Variants in FBRSL1 observed in about 807,000 individuals in gnomAD.
The protein encoded by FBRSL1 is fibrosin-1-like protein.
Under a neutral mutation model 89.6 loss-of-function variants are expected in FBRSL1, and 51 were observed. The observed-to-expected ratio is 0.57, with a 90% CI of 0.45 to 0.72. The LOEUF is 0.72. Ranked by LOEUF, FBRSL1 falls within the 30% of genes least tolerant of loss-of-function variation. FBRSL1 has a pLI of 0.00. For missense variants in FBRSL1, 1,618 were observed against 1,451.8 expected, an observed-to-expected ratio of 1.11 and a Z score of -1.86; for synonymous variants, 779 against 681.1, an observed-to-expected ratio of 1.14 and a Z score of -2.24.
At chr12:132,580,526 G>A (rs1232606077) in intron 15 of FBRSL1, among the ~76,000 whole-genome samples, 1 of 152,206 alleles carries the variant, frequency 6.6e-6, no homozygotes, top group African/African-American at 2.4e-5. Flanking sequence ...CTCTCCCAGT[G>A]CGGGCATTTG....
Position 132,525,281 on chromosome 12 carries a change from G to A in FBRSL1, c.490-453G>A, listed in dbSNP as rs140559853. Among the ~76,000 whole-genome samples the A allele has an allele frequency of 3.0e-4, 46 of 152,338 alleles. 2 individuals carry two copies. In the East Asian group the frequency reaches 8.9e-3, roughly 29 times the overall value. On this transcript the variant is annotated intron_variant, in intron 2 of 18. Transcript: ENST00000680143. Reference sequence around the variant, plus strand: ...GGGTGGCACTGAGGCTCGACCTGGAGGTCATAGCCCTGTACAGCCAGATGG... The same window carrying A: ...GGGTGGCACTGAGGCTCGACCTGGAAGTCATAGCCCTGTACAGCCAGATGG...
At chr12:132,549,244 G>A (rs1414335205) in intron 5 of FBRSL1, among the ~76,000 whole-genome samples, 1 of 152,302 alleles carries the variant, frequency 6.6e-6, no homozygotes, top group South Asian at 2.1e-4. Context: ...CCAGCATCCT[G>A]GGCTGCTTCC....
At chr12:132,530,795 G>A (rs1468849770) in intron 4 of FBRSL1, among the ~76,000 whole-genome samples, 3 of 151,738 alleles carry the variant, frequency 2.0e-5, no homozygotes, top group Non-Finnish European at 4.4e-5. Flanking sequence ...TCCCCTCCAA[G>A]CCGCAGGAGC....
At chr12:132,572,462 G>A in intron 10 of FBRSL1, 65 bp from the exon 11 acceptor site, 3 of 1,498,990 alleles carry the variant, frequency 2.0e-6, no homozygotes, top group Non-Finnish European at 2.7e-6. Context: ...GCCACCTTCT[G>A]GTTACAGGCA....
intron 2 of FBRSL1, 132 bp from the exon 3 acceptor site, chr12:132,525,602 C>T (rs1159272640): frequency 2.9e-6 from 2 of 693,584 alleles, no homozygotes; most frequent in South Asian, 1.7e-5. Context: ...CCAAAGCGCC[C>T]AGCGGCTGTC....
chr12:132,541,092 T>C (rs1566169752), intron 4 of FBRSL1, among the ~76,000 whole-genome samples: 1 of 141,362 alleles, frequency 7.1e-6, no homozygotes, highest in East Asian at 2.1e-4. Flanking sequence ...ACTGTGAGCC[T>C]GGGGGGCACA....
intron 4 of FBRSL1, among the ~76,000 whole-genome samples, chr12:132,529,565 C>T (rs1285495784): frequency 1.3e-5 from 2 of 151,500 alleles, no homozygotes; most frequent in African/African-American, 2.4e-5. Flanking sequence ...ACCCTGGGCT[C>T]GGCTCTGCCA....
intron 1 of FBRSL1, among the ~76,000 whole-genome samples, chr12:132,495,565 G>A (rs1412837784): frequency 6.6e-6 from 1 of 152,222 alleles, no homozygotes; most frequent in Non-Finnish European, 1.5e-5. Flanking sequence ...TCTCCAGGTG[G>A]GGAAACTGAG....
intron 2 of FBRSL1, chr12:132,511,992 T>TA (rs2034395372): frequency 2.0e-6 from 2 of 985,514 alleles, no homozygotes. Flanking sequence ...GCATGTGTCT[T>TA]ACGTGATTTA....
intron 14 of FBRSL1, 113 bp downstream of exon 14, chr12:132,574,677 T>A: frequency 2.3e-6 from 3 of 1,307,790 alleles, no homozygotes; most frequent in Non-Finnish European, 3.1e-6. Flanking sequence ...ACGGGTGTGA[T>A]CCTCACGCGT....
At chr12:132,509,982 C>T (rs189711347) in intron 2 of FBRSL1, 183 of 1,231,556 alleles carry the variant, frequency 1.5e-4, no homozygotes, top group Non-Finnish European at 1.8e-4. Flanking sequence ...CCGCCCCCGG[C>T]GGTCGCTGCT....
chr12:132,557,203 G>A (rs748779508), intron 5 of FBRSL1, among the ~76,000 whole-genome samples: 5 of 152,218 alleles, frequency 3.3e-5, no homozygotes, highest in Non-Finnish European at 7.3e-5. Flanking sequence ...TACAGTGTTG[G>A]TTTCTGAACC....
intron 4 of FBRSL1, among the ~76,000 whole-genome samples, chr12:132,545,465 T>C (rs979841358): frequency 6.6e-6 from 1 of 152,248 alleles, no homozygotes; most frequent in African/African-American, 2.4e-5. Flanking sequence ...TGCCGTGCTA[T>C]TTGGTTAATG....
intron 5 of FBRSL1, among the ~76,000 whole-genome samples, chr12:132,559,550 T>A (rs1188916148): frequency 1.3e-5 from 2 of 151,906 alleles, no homozygotes; most frequent in Non-Finnish European, 2.9e-5. Flanking sequence ...TGCCGCCACC[T>A]CCGGCTAATT....
chr12:132,570,125 C>A lies in FBRSL1; in HGVS notation c.891C>A (p.His297Gln). 1 of 1,478,572 alleles carries A rather than the reference C, an allele frequency of 6.8e-7. No individual in the cohort carries two copies. Among genetic ancestry groups the A allele is most frequent in the Non-Finnish European group, 8.9e-7 (1 of 1,123,402 alleles). 91.6% of individuals were successfully genotyped at this position (1,478,572 alleles called of 1,614,324 possible). Residue 297 changes from histidine to glutamine, a missense_variant, in exon 7 of 19, where the codon CAC becomes CAA. Transcript: ENST00000680143. Reference protein sequence around the residue: ...VKKEPPAPHRHTPQPPPPQPR... With the variant: ...VKKEPPAPHRQTPQPPPPQPR... ...AGGAACCCCCCGCCCCGCACCGCCA[C>A]ACCCCGCAGCCGCCACCCCCGCAGC...
intron 5 of FBRSL1, among the ~76,000 whole-genome samples, chr12:132,562,544 T>C (rs11146931): frequency 0.5 from 76,114 of 151,556 alleles, 20,061 homozygotes; most frequent in East Asian, 0.85. Flanking sequence ...TGTTTCACCC[T>C]GCAGAAGCCT....
chr12:132,545,658 A>G (rs1458683570), intron 4 of FBRSL1, among the ~76,000 whole-genome samples: 1 of 152,148 alleles, frequency 6.6e-6, no homozygotes, highest in Non-Finnish European at 1.5e-5. Flanking sequence ...GCTCTGGCCC[A>G]TGGGTCTCGG....
At chr12:132,545,110 G>T (rs2037579845) in intron 4 of FBRSL1, among the ~76,000 whole-genome samples, 1 of 152,170 alleles carries the variant, frequency 6.6e-6, no homozygotes, top group Non-Finnish European at 1.5e-5. Flanking sequence ...CCCAGTGTGG[G>T]GCAGTGCGGC....
At position 132,582,090 on chromosome 12, in the gene FBRSL1, G is replaced by A. The variant is rs1486034367; in HGVS notation, c.2025G>A (p.Lys675=). 1 of 1,548,700 alleles carries A rather than the reference G, an allele frequency of 6.5e-7. No individual in the cohort carries two copies. The highest frequency in any genetic ancestry group is 2.0e-5 in the Admixed American group (1 of 50,958). Residue 675 remains lysine, a synonymous_variant, in exon 18 of 19, where the codon AAG becomes AAA. Transcript: ENST00000680143. ...CCGGTGGCAGCATCTTTGCCCCCAA[G>A]GAGGGCTCCTCCGTGCACGGCCTGC... is the stretch of plus-strand genomic sequence containing the variant. The part of the protein sequence containing the change: ...LAPGGSIFAP[K]EGSSVHGLPS...
Sources: allele counts gnomAD v4.1 joint callset (sites outside exome capture counted in the v4.1 genomes callset), GRCh38; gene constraint gnomAD v4.1.1; transcripts MANE v1.5; gene names NCBI Gene and HGNC (gene_info 2026-07-23, HGNC 2026-07-21).